Variants in SORBS2 observed in about 807,000 individuals in gnomAD.
The protein encoded by SORBS2 is sorbin and SH3 domain containing 2.
In SORBS2, 46 loss-of-function variants were observed where a neutral mutation model predicts 97.7. The observed-to-expected ratio is 0.47, with a 90% CI of 0.37 to 0.60. The LOEUF is 0.60. Among genes scored for constraint, SORBS2 ranks in the 20% least tolerant of loss-of-function variants. The pLI is 0.00. For missense variants in SORBS2, 1,316 were observed against 1,282.3 expected, an observed-to-expected ratio of 1.03 and a Z score of -0.40; for synonymous variants, 476 against 473.4, an observed-to-expected ratio of 1.01 and a Z score of -0.07.
chr4:185,685,680 C>T (rs373346818), intron 2 of SORBS2, among the ~76,000 whole-genome samples: 17 of 152,146 alleles, frequency 1.1e-4, no homozygotes, highest in East Asian at 3.9e-4. Context: ...CACAGGCACA[C>T]ACCGGCTAAC....
chr4:185,819,318 A>G (rs1487503964), intron 1 of SORBS2, among the ~76,000 whole-genome samples: 1 of 152,196 alleles, frequency 6.6e-6, no homozygotes, highest in African/African-American at 2.4e-5. Context: ...CAGAATGGCT[A>G]CTTGTGCTCC....
chr4:185,722,785 G>A (rs1211297130), intron 2 of SORBS2, among the ~76,000 whole-genome samples: 3 of 152,110 alleles, frequency 2.0e-5, no homozygotes, highest in African/African-American at 4.8e-5. Flanking sequence ...AGCAGCATGA[G>A]CTTTTAACAC....
chr4:185,585,960 A>C (rs2153346363), exon 15 of SORBS2: 1 of 152,684 alleles, frequency 6.5e-6, no homozygotes, highest in Admixed American at 6.5e-5. Context: ...GCTATCTGAC[A>C]GAATCACACT....
chr4:185,854,784 GAAGAGA>G (rs577953814), intron 1 of SORBS2, among the ~76,000 whole-genome samples: 234 of 58,740 alleles, frequency 4.0e-3, no homozygotes, highest in African/African-American at 0.013. Flanking sequence ...GAGAAATAGA[GAAGAGA>G]GAGAGAGAGA....
At chr4:185,805,993 G>A (rs185510081) in intron 1 of SORBS2, among the ~76,000 whole-genome samples, 340 of 152,308 alleles carry the variant, frequency 2.2e-3, no homozygotes, top group African/African-American at 7.8e-3. Flanking sequence ...GCAGCCAAGC[G>A]TTGCTCTCTT....
intron 13 of SORBS2, among the ~76,000 whole-genome samples, chr4:185,591,633 T>C (rs559936659): frequency 7.2e-5 from 11 of 152,274 alleles, no homozygotes; most frequent in African/African-American, 2.4e-4. Context: ...GAGATGGTGG[T>C]TCCTGGGCTG....
intron 4 of SORBS2, among the ~76,000 whole-genome samples, chr4:185,664,559 G>GT (rs1480739689): frequency 6.6e-6 from 1 of 152,196 alleles, no homozygotes; most frequent in Admixed American, 6.5e-5. Context: ...CTGGTCCTCT[G>GT]TGGCAGGGAG....
rs2099233432 is a variant in SORBS2 at position 185,876,038 on chromosome 4, C to T, written c.-338+80158G>A. 4.6e-5 allele frequency among the ~76,000 whole-genome samples: 7 copies of T among 152,220 alleles called. 1 individual carries two copies. In the South Asian group the frequency reaches 1.4e-3, roughly 31 times the overall value. ...TCTGTGTTTTGTACCCTTCTCCATACAACTTTTGACGCGAGTGTAAAGTAC... is the reference window on the plus strand; with the variant it reads ...TCTGTGTTTTGTACCCTTCTCCATATAACTTTTGACGCGAGTGTAAAGTAC... On this transcript the variant is annotated intron_variant, in intron 1 of 20. Transcript: ENST00000284776.
At chr4:185,678,528 A>C (rs1011516347) in exon 4 of SORBS2, 1 of 1,547,546 alleles carries the variant, frequency 6.5e-7, no homozygotes. Context: ...CCTGATTGCC[A>C]TCATTGTAAG....
At chr4:185,657,215 A>C, upstream of SORBS2, 1 of 442,082 alleles carries the variant, frequency 2.3e-6, no homozygotes, top group Non-Finnish European at 3.8e-6. Flanking sequence ...ATGATGTTTC[A>C]TTCAAATGGA....
chr4:185,872,084 G>C (rs939006889), intron 1 of SORBS2, among the ~76,000 whole-genome samples: 4 of 152,124 alleles, frequency 2.6e-5, no homozygotes, highest in Non-Finnish European at 5.9e-5. Context: ...AAATACAATG[G>C]ATTTGAAAAA....
At chr4:185,609,575 T>C (rs1006384789) in intron 12 of SORBS2, among the ~76,000 whole-genome samples, 1 of 152,202 alleles carries the variant, frequency 6.6e-6, no homozygotes, top group Admixed American at 6.5e-5. Flanking sequence ...AACCTATACC[T>C]ATAATACAAA....
intron 2 of SORBS2, among the ~76,000 whole-genome samples, chr4:185,759,541 AGTGAATGATG>A (rs1405230342): frequency 6.6e-6 from 1 of 152,162 alleles, no homozygotes; most frequent in Non-Finnish European, 1.5e-5. Context: ...ATCTCATAAT[AGTGAATGATG>A]GTGAATGAAT....
intron 1 of SORBS2, among the ~76,000 whole-genome samples, chr4:185,904,933 T>C (rs2099249857): frequency 6.6e-6 from 1 of 152,042 alleles, no homozygotes; most frequent in Non-Finnish European, 1.5e-5. Context: ...GGAGAAACCT[T>C]GTCTCTACTA....
At chr4:185,910,538 T>C (rs1157846814) in intron 1 of SORBS2, among the ~76,000 whole-genome samples, 1 of 152,106 alleles carries the variant, frequency 6.6e-6, no homozygotes, top group African/African-American at 2.4e-5. Context: ...AAACTTTTAT[T>C]ATTCATTTAT....
intron 1 of SORBS2, among the ~76,000 whole-genome samples, chr4:185,946,908 C>A (rs959585): frequency 0.84 from 127,298 of 152,194 alleles, 53,946 homozygotes; most frequent in East Asian, 0.94. Context: ...TCTTTCATCC[C>A]TGACTATGTG....
intron 1 of SORBS2, among the ~76,000 whole-genome samples, chr4:185,941,844 G>A (rs544232183): frequency 5.9e-5 from 9 of 152,220 alleles, no homozygotes; most frequent in Middle Eastern, 3.4e-3. Flanking sequence ...GGCTGGGCAC[G>A]GTGGCTCACA....
At chr4:185,648,367 T>C (rs2097252358) in intron 3 of SORBS2, among the ~76,000 whole-genome samples, 1 of 151,460 alleles carries the variant, frequency 6.6e-6, no homozygotes, top group Admixed American at 6.6e-5. Context: ...CCGGGCGTGG[T>C]GGCTGGTGCC....
chr4:185,587,104 G>A (rs2095809230), exon 15 of SORBS2: 4 of 154,998 alleles, frequency 2.6e-5, no homozygotes, highest in South Asian at 2.0e-4. Context: ...AATAGCTAAA[G>A]TACAGTTACA....
Sources: gnomAD v4.1 joint callset for allele counts (sites outside exome capture counted in the v4.1 genomes callset) on GRCh38, gnomAD v4.1.1 for gene constraint, MANE v1.5 for transcripts, NCBI Gene and HGNC (gene_info 2026-07-23, HGNC 2026-07-21) for gene names.